The following FHIP1A variants were observed in gnomAD, a reference collection of about 807,000 sequenced individuals.
FHIP1A encodes the protein FHF complex subunit HOOK interacting protein 1A.
FHIP1A carries 61 observed loss-of-function variants against 88.6 expected under a neutral mutation model. The observed-to-expected ratio is 0.69, with a 90% confidence interval of 0.56 to 0.85. The LOEUF (loss-of-function observed/expected upper bound fraction) is 0.85. Among genes scored for constraint, FHIP1A ranks in the 40% least tolerant of loss-of-function variants. The pLI, the probability that FHIP1A is intolerant of heterozygous loss-of-function variation, is 0.00. For missense variants in FHIP1A, 1,154 were observed against 1,273.5 expected, an observed-to-expected ratio of 0.91 and a Z score of 1.43; for synonymous variants, 478 against 496.0, an observed-to-expected ratio of 0.96 and a Z score of 0.48.
rs762383896 is a variant in FHIP1A at position 151,659,970 on chromosome 4, TA to T, written c.2870-2529del. 1.2e-4 allele frequency among the ~76,000 whole-genome samples: 18 copies of T among 152,308 alleles called. 1 individual carries two copies. The highest frequency in any genetic ancestry group is 2.2e-4 in the Non-Finnish European group (15 of 68,026). On this transcript the variant is annotated intron_variant, in intron 13 of 13. Transcript: ENST00000435205. ...CTCAAATACTTTCCAAACCACAGAGTAACAGTTCACTGTATTTACTTATATT... is the reference window on the plus strand; with the variant it reads ...CTCAAATACTTTCCAAACCACAGAGTACAGTTCACTGTATTTACTTATATT...
At chr4:151,601,107 G>C (rs1734850298) in intron 7 of FHIP1A, among the ~76,000 whole-genome samples, 1 of 152,154 alleles carries the variant, frequency 6.6e-6, no homozygotes, top group African/African-American at 2.4e-5. Context: ...CACCTGATAA[G>C]AGCCATGAAC....
At chr4:151,566,396 C>T (rs1484724172) in intron 4 of FHIP1A, 32 bp downstream of exon 4, 11 of 1,312,526 alleles carry the variant, frequency 8.4e-6, no homozygotes, top group Non-Finnish European at 1.1e-5. Flanking sequence ...TTTTGCTGGT[C>T]TCAGTAACCC....
At chr4:151,599,791 A>G (rs929311882) in intron 7 of FHIP1A, among the ~76,000 whole-genome samples, 1 of 152,170 alleles carries the variant, frequency 6.6e-6, no homozygotes, top group African/African-American at 2.4e-5. Flanking sequence ...AACGTGGTAG[A>G]TGGATTTCCA....
intron 3 of FHIP1A, among the ~76,000 whole-genome samples, chr4:151,489,156 GA>G (rs1193616657): frequency 6.6e-6 from 1 of 152,142 alleles, no homozygotes; most frequent in Non-Finnish European, 1.5e-5. Flanking sequence ...ATCCCACTGG[GA>G]ACCTGAAAAT....
At chr4:151,610,659 C>T (rs149758372) in intron 7 of FHIP1A, among the ~76,000 whole-genome samples, 1 of 152,218 alleles carries the variant, frequency 6.6e-6, no homozygotes, top group East Asian at 1.9e-4. Flanking sequence ...ATGCTTATGC[C>T]TTTCTTCCAC....
At chr4:151,649,063 C>T (rs546611090) in intron 10 of FHIP1A, among the ~76,000 whole-genome samples, 17 of 152,180 alleles carry the variant, frequency 1.1e-4, no homozygotes, top group South Asian at 6.2e-4. Context: ...ACCAGCCTTC[C>T]GCTTTAGATT....
At chr4:151,574,955 T>G (rs1249174454) in intron 4 of FHIP1A, among the ~76,000 whole-genome samples, 1 of 152,176 alleles carries the variant, frequency 6.6e-6, no homozygotes. Flanking sequence ...TTTAGCAAAT[T>G]ATTTTTGGGT....
At chr4:151,633,734 G>A (rs1736242302) in intron 8 of FHIP1A, among the ~76,000 whole-genome samples, 1 of 151,830 alleles carries the variant, frequency 6.6e-6, no homozygotes, top group Non-Finnish European at 1.5e-5. Context: ...TACAGAAAAG[G>A]CGCTTGACAA....
At chr4:151,453,184 T>G (rs1728855783) in intron 1 of FHIP1A, among the ~76,000 whole-genome samples, 1 of 151,942 alleles carries the variant, frequency 6.6e-6, no homozygotes, top group Admixed American at 6.6e-5. Context: ...TCTGGCTAAT[T>G]TTTGTATTTT....
chr4:151,491,749 C>G (rs1260931900), intron 3 of FHIP1A, among the ~76,000 whole-genome samples: 1 of 152,086 alleles, frequency 6.6e-6, no homozygotes, highest in East Asian at 1.9e-4. Context: ...CTTCAAGAGA[C>G]TCACCTAACA....
intron 1 of FHIP1A, among the ~76,000 whole-genome samples, chr4:151,441,020 T>C (rs1304896351): frequency 6.6e-6 from 1 of 152,170 alleles, no homozygotes; most frequent in Non-Finnish European, 1.5e-5. Context: ...CTTTTCTAAT[T>C]GACTACGCCA....
intron 3 of FHIP1A, among the ~76,000 whole-genome samples, chr4:151,526,288 G>A (rs1731632068): frequency 6.6e-6 from 1 of 152,068 alleles, no homozygotes; most frequent in African/African-American, 2.4e-5. Flanking sequence ...CTCCCAGACG[G>A]GGTGGTGGCC....
chr4:151,551,501 A>C (rs1205505373), intron 3 of FHIP1A, among the ~76,000 whole-genome samples: 2 of 152,208 alleles, frequency 1.3e-5, no homozygotes, highest in Non-Finnish European at 2.9e-5. Flanking sequence ...GACCAATGGA[A>C]TAGAACAGAA....
intron 7 of FHIP1A, among the ~76,000 whole-genome samples, chr4:151,609,339 T>G (rs1301754255): frequency 1.3e-5 from 2 of 152,174 alleles, no homozygotes; most frequent in African/African-American, 4.8e-5. Context: ...ATTATTACTT[T>G]TTTTCACTTC....
At chr4:151,573,271 AACAC>A (rs140733704) in intron 4 of FHIP1A, among the ~76,000 whole-genome samples, 4 of 147,272 alleles carry the variant, frequency 2.7e-5, no homozygotes, top group Non-Finnish European at 6.0e-5. Flanking sequence ...GATGCATCCA[AACAC>A]ACACACACAC....
At chr4:151,463,315 T>C (rs139056517) in intron 2 of FHIP1A, among the ~76,000 whole-genome samples, 6 of 152,276 alleles carry the variant, frequency 3.9e-5, no homozygotes, top group African/African-American at 1.2e-4. Flanking sequence ...GAAGGTGGCA[T>C]TGGGGAGGGA....
intron 7 of FHIP1A, among the ~76,000 whole-genome samples, chr4:151,610,990 T>C (rs2126846771): frequency 6.6e-6 from 1 of 152,294 alleles, no homozygotes; most frequent in East Asian, 1.9e-4. Flanking sequence ...TATAGTACAT[T>C]GCCAAGTATG....
At chr4:151,537,631 C>T (rs779540704) in intron 3 of FHIP1A, among the ~76,000 whole-genome samples, 4 of 152,092 alleles carry the variant, frequency 2.6e-5, no homozygotes, top group Non-Finnish European at 5.9e-5. Context: ...TTTTCTTTTA[C>T]AGATTGTGCT....
At chr4:151,425,967 C>A (rs1250129454) in intron 1 of FHIP1A, among the ~76,000 whole-genome samples, 4 of 152,132 alleles carry the variant, frequency 2.6e-5, no homozygotes, top group Admixed American at 2.0e-4. Flanking sequence ...TCCCTGGAAT[C>A]CTTAATTTAG....
Sources: gnomAD v4.1 joint callset for allele counts (sites outside exome capture counted in the v4.1 genomes callset) on GRCh38, gnomAD v4.1.1 for gene constraint, MANE v1.5 for transcripts, NCBI Gene and HGNC (gene_info 2026-07-23, HGNC 2026-07-21) for gene names.